The following PCNX1 variants were observed in gnomAD, a reference collection of about 807,000 sequenced individuals.
PCNX1 encodes the protein pecanex 1.
In PCNX1, 78 loss-of-function variants were observed where a neutral mutation model predicts 242.2. The observed-to-expected ratio is 0.32, with a 90% CI of 0.27 to 0.39. PCNX1 has a LOEUF of 0.39. Among genes scored for constraint, PCNX1 ranks in the 10% least tolerant of loss-of-function variants. The pLI is 1.00. For synonymous variants in PCNX1, 1,024 were observed against 1,032.9 expected (o/e 0.99, Z 0.17); for missense variants, 2,581 against 2,856.5 (o/e 0.90, Z 2.20).
intron 35 of PCNX1, 87 bp from the exon 36 acceptor site, chr14:71,109,708 C>G (rs1433569354): frequency 6.4e-7 from 1 of 1,559,564 alleles, no homozygotes; most frequent in African/African-American, 1.4e-5. Flanking sequence ...GACAAAATTG[C>G]TACTACTAAT....
At chr14:71,064,638 C>CT (rs1460364954) in intron 26 of PCNX1, among the ~76,000 whole-genome samples, 1 of 152,138 alleles carries the variant, frequency 6.6e-6, no homozygotes, top group Non-Finnish European at 1.5e-5. Flanking sequence ...TTTTAATATA[C>CT]TTTAAGTTCT....
intron 26 of PCNX1, among the ~76,000 whole-genome samples, chr14:71,068,069 A>G (rs1422653241): frequency 1.3e-5 from 2 of 152,078 alleles, no homozygotes; most frequent in Non-Finnish European, 2.9e-5. Context: ...GCTCACACCC[A>G]TAAACCCAAC....
At chr14:70,972,617 C>T (rs1216111194) in intron 5 of PCNX1, among the ~76,000 whole-genome samples, 2 of 152,166 alleles carry the variant, frequency 1.3e-5, no homozygotes, top group Non-Finnish European at 2.9e-5. Flanking sequence ...TCTTACTCCT[C>T]TGGTTTGGAT....
At position 70,955,464 on chromosome 14, in the gene PCNX1, A is replaced by T. The variant is rs144390911; in HGVS notation, c.363-6762A>T. On this transcript the variant is annotated intron_variant, in intron 2 of 35. Coordinates refer to ENST00000304743, the MANE Select transcript of PCNX1 (RefSeq NM_014982.3). ...TTTCTGATCAAAGCCTGAGAGCATG[A>T]GCAATAAATATGATACTAATAATCA... Among the ~76,000 whole-genome samples the T allele has an allele frequency of 4.4e-4, 67 of 152,344 alleles. No homozygotes were observed. The East Asian group carries it at 0.012, about 26-fold the overall frequency.
intron 1 of PCNX1, among the ~76,000 whole-genome samples, chr14:70,923,875 T>G (rs1446363883): frequency 7.9e-5 from 12 of 152,216 alleles, no homozygotes; most frequent in African/African-American, 2.9e-4. Context: ...GGTACATTAT[T>G]AAGATAAATT....
intron 23 of PCNX1, 116 bp downstream of exon 23, chr14:71,050,876 T>A: frequency 9.9e-7 from 1 of 1,013,696 alleles, no homozygotes; most frequent in African/African-American, 1.6e-5. Flanking sequence ...TTATCAAAAA[T>A]TCATAATCTT....
rs981564838 is a variant in PCNX1, at chr14:70,994,409, ATATATATATATATATATATATG to A, written c.2445-1328_2445-1307del. On this transcript the variant is annotated intron_variant, in intron 7 of 35. Transcript: ENST00000304743. ...CCACAGGCTTAAGATATATATATAT[ATATATATATATATATATATATG>A]TATGTATGTATGTTTCAACATAGCC... Among the ~76,000 whole-genome samples, 66 of 98,994 alleles carry A rather than the reference ATATATATATATATATATATATG, an allele frequency of 6.7e-4. 2 individuals carry two copies. The highest frequency in any genetic ancestry group is 2.3e-3 in the African/African-American group (63 of 27,816). The allele number at this position is 98,994 out of a possible 152,430, so 64.9% of individuals were successfully genotyped here. A position where few individuals can be genotyped will look rare whatever the true frequency, so the allele number is the denominator to read the frequency against.
At chr14:71,058,051 G>C (rs1191776870) in intron 26 of PCNX1, among the ~76,000 whole-genome samples, 1 of 152,172 alleles carries the variant, frequency 6.6e-6, no homozygotes, top group African/African-American at 2.4e-5. Context: ...TTGTTAGGTG[G>C]CTAGCAGCAT....
chr14:70,992,562 A>AG (rs5809505), intron 7 of PCNX1, among the ~76,000 whole-genome samples: 82,978 of 151,928 alleles, frequency 0.55, 23,773 homozygotes, highest in East Asian at 0.74. Context: ...TAGCAGTATA[A>AG]CAGAATGTGT....
Position 71,110,992 on chromosome 14 carries a change from T to A in PCNX1, c.*1057T>A, listed in dbSNP as rs1232683654. On this transcript the variant is annotated 3_prime_UTR_variant, in exon 36 of 36. Coordinates refer to ENST00000304743, the MANE Select transcript of PCNX1 (RefSeq NM_014982.3). ...ATGCAGTTCAGTTAGTCAAGTAAAA[T>A]TTTTTTTCAAATAAAAGTATCCAAG... 1 of 152,504 alleles carries A rather than the reference T, an allele frequency of 6.6e-6. No individual in the cohort carries two copies. Among genetic ancestry groups the A allele is most frequent in the East Asian group, 1.9e-4 (1 of 5,202 alleles). 9.4% of individuals were successfully genotyped at this position (152,504 alleles called of 1,614,324 possible). A position where few individuals can be genotyped will look rare whatever the true frequency, so the allele number is the denominator to read the frequency against.
In PCNX1 at chr14:71,026,756, T is replaced by A. The variant is rs746619036; in HGVS notation, c.3356-16T>A. On this transcript the variant is annotated splice_polypyrimidine_tract_variant and intron_variant, in intron 14 of 35. Coordinates refer to ENST00000304743, the MANE Select transcript of PCNX1 (RefSeq NM_014982.3). ...CAGTATAATATTTTAAAATATACTT[T>A]TCTTTCTTTTTATAGTGTTTACACT... is the stretch of plus-strand genomic sequence containing the variant. 1.8e-6 allele frequency: 2 copies of A among 1,135,964 alleles called. No homozygotes were observed. Among genetic ancestry groups the A allele is most frequent in the Admixed American group, 1.8e-5 (1 of 54,694 alleles). 70.4% of individuals were successfully genotyped at this position (1,135,964 alleles called of 1,614,324 possible).
At chr14:71,107,704 C>T (rs1025666366) in intron 33 of PCNX1, among the ~76,000 whole-genome samples, 2 of 152,092 alleles carry the variant, frequency 1.3e-5, no homozygotes, top group African/African-American at 2.4e-5. Flanking sequence ...AAAATTACAG[C>T]GTGGTATTCA....
intron 8 of PCNX1, among the ~76,000 whole-genome samples, chr14:71,009,384 A>C (rs562817725): frequency 6.6e-6 from 1 of 152,230 alleles, no homozygotes; most frequent in East Asian, 1.9e-4. Context: ...AGAGATTGGT[A>C]TTGCAAAGCT....
chr14:71,070,435 A>G (rs1044081281), intron 26 of PCNX1, among the ~76,000 whole-genome samples: 2 of 152,226 alleles, frequency 1.3e-5, no homozygotes, highest in Non-Finnish European at 2.9e-5. Flanking sequence ...TGTGGCAGCT[A>G]TAGCCTTACA....
At chr14:70,937,538 C>T (rs930522720) in intron 1 of PCNX1, among the ~76,000 whole-genome samples, 2 of 152,114 alleles carry the variant, frequency 1.3e-5, no homozygotes, top group African/African-American at 4.8e-5. Flanking sequence ...TTACTGTAGC[C>T]TTGTAGTAGA....
chr14:71,011,440 A>G lies in PCNX1; in HGVS notation c.2721-52A>G, dbSNP rs373534172. Reference sequence around the variant, plus strand: ...GAATCTCATCTGAATGTTAAAGGATATATTTTTCTTTCTGCTTGACAAACT... The same window carrying G: ...GAATCTCATCTGAATGTTAAAGGATGTATTTTTCTTTCTGCTTGACAAACT... On this transcript the variant is annotated intron_variant, in intron 9 of 35. Coordinates refer to ENST00000304743, the MANE Select transcript of PCNX1 (RefSeq NM_014982.3). 9 of 947,652 alleles carry G rather than the reference A, an allele frequency of 9.5e-6. No homozygotes were observed. The African/African-American group carries it at 1.1e-4, about 12-fold the overall frequency. The allele number at this position is 947,652 out of a possible 1,614,324, so 58.7% of individuals were successfully genotyped here.
chr14:71,028,841 T>C (rs1468593860), intron 16 of PCNX1, 50 bp downstream of exon 16: 2 of 1,121,214 alleles, frequency 1.8e-6, no homozygotes, highest in Admixed American at 2.2e-5. Flanking sequence ...TATTTCTATA[T>C]GAAGGTTGTT....
rs768467793 is a variant in PCNX1 at position 71,088,481 on chromosome 14, C to G, written c.5438+51C>G. On this transcript the variant is annotated intron_variant, in intron 29 of 35. Coordinates refer to ENST00000304743, the MANE Select transcript of PCNX1 (RefSeq NM_014982.3). ...GAAGAGAGCATGGGAAGCTGTATAG[C>G]CTAAATCTAAAATGATTTTTCATGG... 3 of 1,059,580 alleles carry G rather than the reference C, an allele frequency of 2.8e-6. No homozygotes were observed. In the East Asian group the frequency reaches 7.1e-5, roughly 25 times the overall value. 65.6% of individuals were successfully genotyped at this position (1,059,580 alleles called of 1,614,324 possible).
At chr14:70,940,380 A>T (rs1187658948) in intron 1 of PCNX1, among the ~76,000 whole-genome samples, 24 of 152,118 alleles carry the variant, frequency 1.6e-4, no homozygotes, top group Admixed American at 1.2e-3. Context: ...TCTCCTTCAC[A>T]TATGAAGCTT....
Sources: gnomAD v4.1 joint callset for allele counts (sites outside exome capture counted in the v4.1 genomes callset) on GRCh38, gnomAD v4.1.1 for gene constraint, MANE v1.5 for transcripts, NCBI Gene and HGNC (gene_info 2026-07-23, HGNC 2026-07-21) for gene names.